Variants in STIMATE observed in about 807,000 individuals in gnomAD.
STIMATE encodes STIM activating enhancer, also known as store-operated calcium entry regulator STIMATE.
In STIMATE, 15 loss-of-function variants were observed where a neutral mutation model predicts 36.7. The ratio of observed to expected loss-of-function variants is 0.41; its 90% CI spans 0.27 to 0.63. STIMATE has a LOEUF of 0.63. Among genes scored for constraint, STIMATE ranks in the 20% least tolerant of loss-of-function variants. The pLI, the probability that STIMATE is intolerant of heterozygous loss-of-function variation, is 0.32. For missense variants in STIMATE, 305 were observed against 397.3 expected, an observed-to-expected ratio of 0.77 and a Z score of 1.98; for synonymous variants, 163 against 162.3, an observed-to-expected ratio of 1.00 and a Z score of -0.03.
chr3:52,872,071 G>A (rs1277173453), intron 1 of STIMATE, among the ~76,000 whole-genome samples: 1 of 152,130 alleles, frequency 6.6e-6, no homozygotes, highest in Non-Finnish European at 1.5e-5. Context: ...TCAGCGCTCA[G>A]GAAGCCTCCT....
chr3:52,873,942 C>T (rs1462617606), intron 1 of STIMATE, among the ~76,000 whole-genome samples: 1 of 152,194 alleles, frequency 6.6e-6, no homozygotes, highest in Non-Finnish European at 1.5e-5. Context: ...AATCTCATAG[C>T]GGGCAACGAT....
At chr3:52,864,385 G>A (rs543590033) in intron 1 of STIMATE, among the ~76,000 whole-genome samples, 68 of 152,260 alleles carry the variant, frequency 4.5e-4, no homozygotes, top group East Asian at 1.9e-3. Context: ...TGGCTGGAGC[G>A]GCTGGGATGC....
At chr3:52,856,423 G>A (rs1012939681) in intron 1 of STIMATE, among the ~76,000 whole-genome samples, 1 of 152,214 alleles carries the variant, frequency 6.6e-6, no homozygotes, top group African/African-American at 2.4e-5. Flanking sequence ...GCTCATGCCT[G>A]TAATCCCAGC....
intron 3 of STIMATE, among the ~76,000 whole-genome samples, chr3:52,851,210 G>T (rs1425338449): frequency 6.6e-6 from 1 of 152,206 alleles, no homozygotes; most frequent in Non-Finnish European, 1.5e-5. Context: ...TCTCTTGAGG[G>T]CCTTGTACCC....
chr3:52,841,356 C>T (rs1488293353), intron 7 of STIMATE, among the ~76,000 whole-genome samples: 1 of 152,250 alleles, frequency 6.6e-6, no homozygotes, highest in Non-Finnish European at 1.5e-5. Flanking sequence ...AGGGGGAGTT[C>T]AGCGTGGCTG....
intron 1 of STIMATE, chr3:52,895,957 T>C (rs1701858251): frequency 7.8e-7 from 1 of 1,289,616 alleles, no homozygotes; most frequent in Non-Finnish European, 1.0e-6. Context: ...AAATTATTAC[T>C]GTGGGAACAA....
chr3:52,870,380 T>G (rs898571425), intron 1 of STIMATE, among the ~76,000 whole-genome samples: 1 of 152,108 alleles, frequency 6.6e-6, no homozygotes, highest in Non-Finnish European at 1.5e-5. Flanking sequence ...TCACCACGGT[T>G]GTGGTTCCAA....
chr3:52,859,640 T>C (rs541470400), intron 1 of STIMATE, among the ~76,000 whole-genome samples: 1 of 141,294 alleles, frequency 7.1e-6, no homozygotes, highest in African/African-American at 2.6e-5. Context: ...AGTGCCACTG[T>C]ACTCTACCCT....
chr3:52,886,461 C>T (rs1207360573), intron 1 of STIMATE, among the ~76,000 whole-genome samples: 3 of 152,182 alleles, frequency 2.0e-5, no homozygotes, highest in Admixed American at 2.0e-4. Flanking sequence ...GATATGAGTA[C>T]TCATCTCATA....
chr3:52,895,141 C>A (rs1701845975), intron 1 of STIMATE, among the ~76,000 whole-genome samples: 4 of 152,224 alleles, frequency 2.6e-5, no homozygotes, highest in African/African-American at 4.8e-5. Context: ...ACCTTGATCT[C>A]GTTCCTCTTC....
intron 1 of STIMATE, among the ~76,000 whole-genome samples, chr3:52,891,139 A>C (rs1457385095): frequency 6.6e-6 from 1 of 152,252 alleles, no homozygotes; most frequent in Admixed American, 6.5e-5. Flanking sequence ...GATAGAAAAA[A>C]AATGAGGTGA....
rs202059926 is a variant in STIMATE at position 52,840,514 on chromosome 3, G to T, written c.865C>A (p.Arg289Ser). 1.2e-5 allele frequency: 19 copies of T among 1,613,774 alleles called. No homozygotes were observed. The highest frequency in any genetic ancestry group is 1.4e-5 in the Non-Finnish European group (17 of 1,179,894). The stretch of plus-strand genomic sequence containing the variant: ...ATGTGTCATACGGGTAGCCCAAAGC[G>T]GTGCTTCTTTTTCTTCACAGGCTTG... ...PLKPVKKKKH[R>S]FGLPV Residue 289 changes from arginine (R) to serine (S), a missense_variant, in exon 8 of 8, where the codon CGC becomes AGC. Around this residue, in one of 3 missense-constraint regions of STIMATE, gnomAD observed 84 missense variants for 82.4 expected, o/e 1.02. Coordinates refer to ENST00000355083, the MANE Select transcript of STIMATE (RefSeq NM_198563.5).
chr3:52,851,847 T>C (rs1701005547), intron 3 of STIMATE, among the ~76,000 whole-genome samples: 1 of 152,188 alleles, frequency 6.6e-6, no homozygotes, highest in Admixed American at 6.5e-5. Flanking sequence ...CAAAGCATCA[T>C]GTGGGCCCTG....
chr3:52,874,452 C>T (rs1701464864), intron 1 of STIMATE, among the ~76,000 whole-genome samples: 1 of 152,286 alleles, frequency 6.6e-6, no homozygotes, highest in East Asian at 1.9e-4. Flanking sequence ...AACTATTAAC[C>T]ATGGTTAGCT....
intron 1 of STIMATE, among the ~76,000 whole-genome samples, chr3:52,889,021 TC>T (rs1701738293): frequency 6.6e-6 from 1 of 152,016 alleles, no homozygotes; most frequent in African/African-American, 2.4e-5. Context: ...TGCCTCCTCC[TC>T]CCCAAAATGG....
At chr3:52,849,658 C>T in intron 4 of STIMATE, 134 bp downstream of exon 4, 1 of 1,432,160 alleles carries the variant, frequency 7.0e-7, no homozygotes, top group South Asian at 1.5e-5. Flanking sequence ...GAACAGCCCC[C>T]TCTACCACAC....
At chr3:52,875,849 CCACT>C (rs1233501104) in intron 1 of STIMATE, among the ~76,000 whole-genome samples, 2 of 152,264 alleles carry the variant, frequency 1.3e-5, no homozygotes, top group East Asian at 3.9e-4. Flanking sequence ...GGTGGAGGGG[CCACT>C]CAGCCGGCCC....
rs199814249 is a variant in STIMATE, at chr3:52,869,430, CG to C, written c.161-13987del. ...GCTGTCACTCATACTGTCCCCTTGGCGTGGGAGGGGCCCTCCATTTCTTCTC... is the reference window on the plus strand; with the variant it reads ...GCTGTCACTCATACTGTCCCCTTGGCTGGGAGGGGCCCTCCATTTCTTCTC... On this transcript the variant is annotated intron_variant, in intron 1 of 7. Coordinates refer to ENST00000355083, the MANE Select transcript of STIMATE (RefSeq NM_198563.5). Among the ~76,000 whole-genome samples the C allele has an allele frequency of 6.6e-5, 10 of 152,178 alleles. 1 individual carries two copies. In the East Asian group the frequency reaches 1.9e-3, roughly 29 times the overall value.
At chr3:52,877,078 A>G (rs1394066336) in intron 1 of STIMATE, among the ~76,000 whole-genome samples, 3 of 152,266 alleles carry the variant, frequency 2.0e-5, no homozygotes, top group Non-Finnish European at 2.9e-5. Flanking sequence ...GTTCACTGGC[A>G]CAGGCCACAC....
Sources: gnomAD v4.1 joint callset for allele counts (sites outside exome capture counted in the v4.1 genomes callset) on GRCh38, gnomAD v4.1.1 for gene constraint, gnomAD v4.1.1 regional missense constraint, MANE v1.5 for transcripts, NCBI Gene and HGNC (gene_info 2026-07-23, HGNC 2026-07-21) for gene names.